Variants in SIPA1L3 observed in about 807,000 individuals in gnomAD.
SIPA1L3 encodes the protein signal-induced proliferation-associated 1-like protein 3.
Under a neutral mutation model 150.1 loss-of-function variants are expected in SIPA1L3, and 59 were observed. The observed-to-expected ratio is 0.39, with a 90% confidence interval of 0.32 to 0.49. The LOEUF (loss-of-function observed/expected upper bound fraction) is 0.49, where lower values mean the gene tolerates loss of function less well. SIPA1L3 is among the 20% of genes least tolerant of loss of function. The pLI, the probability that SIPA1L3 is intolerant of heterozygous loss-of-function variation, is 0.86. For synonymous variants in SIPA1L3, 1,070 were observed against 1,077.6 expected (o/e 0.99, Z 0.14); for missense variants, 2,211 against 2,489.5 (o/e 0.89, Z 2.38).
At chr19:38,069,406 C>T (rs989096889) in intron 2 of SIPA1L3, among the ~76,000 whole-genome samples, 1 of 152,228 alleles carries the variant, frequency 6.6e-6, no homozygotes, top group African/African-American at 2.4e-5. Context: ...CACACCTGCG[C>T]TCCAGCCTCC....
chr19:38,153,186 G>A (rs1402072145), intron 13 of SIPA1L3, among the ~76,000 whole-genome samples: 2 of 152,224 alleles, frequency 1.3e-5, no homozygotes, highest in African/African-American at 2.4e-5. Flanking sequence ...GGCAGGTGGC[G>A]TCTGCTCCCG....
At position 38,068,250 on chromosome 19, in the gene SIPA1L3, C is replaced by T. The variant is rs568064414; in HGVS notation, c.-310-13006C>T. ...TTCACCGTGTTAGCCAGGATGGTCT[C>T]GATCTCCTGACCTCGTGATCTGCCC... is the stretch of plus-strand genomic sequence containing the variant. On this transcript the variant is annotated intron_variant, in intron 2 of 21. Coordinates refer to ENST00000222345, the MANE Select transcript of SIPA1L3 (RefSeq NM_015073.3). Among the ~76,000 whole-genome samples the T allele has an allele frequency of 7.2e-5, 11 of 151,930 alleles. No homozygotes were observed. In the South Asian group the frequency reaches 2.1e-3, roughly 29 times the overall value.
At chr19:37,965,189 T>G (rs1054947837) in intron 1 of SIPA1L3, among the ~76,000 whole-genome samples, 6 of 152,314 alleles carry the variant, frequency 3.9e-5, no homozygotes, top group African/African-American at 1.4e-4. Context: ...AAATCAAATT[T>G]GCTAGTTTGT....
At chr19:37,910,844 C>T (rs563888814) in intron 1 of SIPA1L3, among the ~76,000 whole-genome samples, 21 of 152,346 alleles carry the variant, frequency 1.4e-4, no homozygotes, top group Non-Finnish European at 3.1e-4. Context: ...GATCCACCCA[C>T]CTTGGCCTCC....
chr19:37,972,027 A>G (rs1966953212), intron 1 of SIPA1L3, among the ~76,000 whole-genome samples: 1 of 152,208 alleles, frequency 6.6e-6, no homozygotes, highest in Non-Finnish European at 1.5e-5. Flanking sequence ...GCTATTATGA[A>G]TAATGCTATA....
chr19:38,139,494 T>A (rs1971522285), intron 10 of SIPA1L3, among the ~76,000 whole-genome samples: 1 of 152,138 alleles, frequency 6.6e-6, no homozygotes, highest in Non-Finnish European at 1.5e-5. Context: ...TGCCCGGGCC[T>A]GGCATGTCTA....
chr19:38,143,840 G>C (rs1204374536), intron 12 of SIPA1L3, among the ~76,000 whole-genome samples: 1 of 151,850 alleles, frequency 6.6e-6, no homozygotes, highest in Non-Finnish European at 1.5e-5. Context: ...CACCTGGCCA[G>C]ATCTTTCTAT....
intron 2 of SIPA1L3, among the ~76,000 whole-genome samples, chr19:38,044,166 C>A (rs1199782920): frequency 6.6e-6 from 1 of 152,132 alleles, no homozygotes; most frequent in Non-Finnish European, 1.5e-5. Context: ...CATTGAGGGA[C>A]CCCAGGGTCG....
intron 1 of SIPA1L3, among the ~76,000 whole-genome samples, chr19:38,006,653 C>G (rs981184302): frequency 6.6e-6 from 1 of 152,192 alleles, no homozygotes. Context: ...TGCGCACATG[C>G]TGTGGGCAGT....
At chr19:37,963,445 C>G (rs1184855600) in intron 1 of SIPA1L3, among the ~76,000 whole-genome samples, 2 of 152,216 alleles carry the variant, frequency 1.3e-5, no homozygotes, top group Non-Finnish European at 2.9e-5. Flanking sequence ...CCAGCCAGAT[C>G]GTAACCACAG....
intron 1 of SIPA1L3, among the ~76,000 whole-genome samples, chr19:37,915,369 T>C (rs1002667249): frequency 6.6e-6 from 1 of 151,794 alleles, no homozygotes; most frequent in Admixed American, 6.6e-5. Flanking sequence ...GAAAAGGTGT[T>C]TTTTTTTGTT....
intron 2 of SIPA1L3, among the ~76,000 whole-genome samples, chr19:38,067,837 C>T (rs144788694): frequency 0.014 from 2,202 of 152,082 alleles, 22 homozygotes; most frequent in Admixed American, 0.026. Context: ...CTGGCTTTCA[C>T]AGCCGTGGCT....
chr19:38,155,002 C>G (rs1449024421), intron 13 of SIPA1L3, among the ~76,000 whole-genome samples: 1 of 152,132 alleles, frequency 6.6e-6, no homozygotes, highest in Non-Finnish European at 1.5e-5. Flanking sequence ...CTCAAGTGAT[C>G]CACCCGCTTC....
At chr19:37,963,579 C>G (rs1301220439) in intron 1 of SIPA1L3, among the ~76,000 whole-genome samples, 3 of 152,206 alleles carry the variant, frequency 2.0e-5, no homozygotes. Context: ...GGGAGGAACC[C>G]CAAATTAAAC....
chr19:37,985,198 C>CTTT (rs1043071375), intron 1 of SIPA1L3, among the ~76,000 whole-genome samples: 1 of 141,286 alleles, frequency 7.1e-6, no homozygotes, highest in Non-Finnish European at 1.6e-5. Context: ...TTGTTTTTTT[C>CTTT]TTTTTTTTTT....
chr19:38,066,038 A>G (rs1434631462), intron 2 of SIPA1L3, among the ~76,000 whole-genome samples: 1 of 141,126 alleles, frequency 7.1e-6, no homozygotes, highest in Admixed American at 7.4e-5. Flanking sequence ...TTTTGAGGCA[A>G]CGTCTTGCTC....
rs2046470922 is a variant in SIPA1L3, at chr19:37,923,099, T to G, written c.-379+15741T>G. ...TTACAGTGAGCCGAGATCGCGCCAC[T>G]GCACTCCAGCCTGGGCGACAGAGCG... On this transcript the variant is annotated intron_variant, in intron 1 of 21. Coordinates refer to ENST00000222345, the MANE Select transcript of SIPA1L3 (RefSeq NM_015073.3). Among the ~76,000 whole-genome samples the G allele has an allele frequency of 2.0e-5, 3 of 150,308 alleles. No individual in the cohort carries two copies. In the South Asian group the frequency reaches 6.3e-4, roughly 32 times the overall value.
chr19:38,155,266 A>G (rs766898628), intron 13 of SIPA1L3, among the ~76,000 whole-genome samples: 42 of 151,144 alleles, frequency 2.8e-4, no homozygotes, highest in Middle Eastern at 3.5e-3. Flanking sequence ...TACAGAGACA[A>G]CGTCTTGCCA....
At chr19:38,143,542 CTTTT>C (rs10669806) in intron 12 of SIPA1L3, among the ~76,000 whole-genome samples, 1 of 79,978 alleles carries the variant, frequency 1.3e-5, no homozygotes, top group Non-Finnish European at 2.2e-5. Context: ...CTTTCTGTGT[CTTTT>C]TTTTTTTTTT....
Sources: gnomAD v4.1 joint callset for allele counts (sites outside exome capture counted in the v4.1 genomes callset) on GRCh38, gnomAD v4.1.1 for gene constraint, MANE v1.5 for transcripts, NCBI Gene and HGNC (gene_info 2026-07-23, HGNC 2026-07-21) for gene names.